PGM5: variants seen among roughly 807,000 people sequenced by gnomAD.
The protein encoded by PGM5 is phosphoglucomutase-like protein 5.
PGM5 carries 23 observed loss-of-function variants against 59.2 expected under a neutral mutation model. The ratio of observed to expected loss-of-function variants is 0.39; its 90% CI spans 0.28 to 0.55. The LOEUF is 0.55. PGM5 is among the 20% of genes least tolerant of loss of function. The pLI is 0.66. For missense variants in PGM5, 574 were observed against 748.3 expected (o/e 0.77, Z 2.72); for synonymous variants, 214 against 286.0 (o/e 0.75, Z 2.54).
At chr9:68,472,297 G>A (rs963451368) in intron 7 of PGM5, among the ~76,000 whole-genome samples, 1 of 152,196 alleles carries the variant, frequency 6.6e-6, no homozygotes, top group African/African-American at 2.4e-5. Flanking sequence ...GCTTCACAGT[G>A]TCTGCTGCTG....
rs146138746 is a variant in PGM5 at position 68,498,991 on chromosome 9, C to T, written c.1480-236C>T. 170 of 497,510 alleles carry T rather than the reference C, an allele frequency of 3.4e-4. 1 individual carries two copies. Among genetic ancestry groups the T allele is most frequent in the African/African-American group, 3.0e-3 (156 of 51,320 alleles). 30.8% of individuals were successfully genotyped at this position (497,510 alleles called of 1,614,324 possible). On this transcript the variant is annotated intron_variant, in intron 9 of 10. Coordinates refer to ENST00000396396, the MANE Select transcript of PGM5 (RefSeq NM_021965.4). ...ACTTGAGTATCTGTTCACAGCTTTG[C>T]TCCTCTTTCCCCACATTAACCACAA...
At chr9:68,456,555 A>G (rs1276977856) in intron 6 of PGM5, among the ~76,000 whole-genome samples, 3 of 148,314 alleles carry the variant, frequency 2.0e-5, no homozygotes, top group Admixed American at 6.7e-5. Flanking sequence ...TCCTGACGTC[A>G]TGAGCCGCCC....
At chr9:68,483,752 C>CA in intron 8 of PGM5, 113 bp from the exon 9 acceptor site, 1 of 860,332 alleles carries the variant, frequency 1.2e-6, no homozygotes. Flanking sequence ...GTTGAAGGTG[C>CA]ATTTCTGTGC....
intron 6 of PGM5, among the ~76,000 whole-genome samples, chr9:68,462,106 A>G (rs951460803): frequency 1.3e-5 from 2 of 151,914 alleles, no homozygotes; most frequent in Non-Finnish European, 2.9e-5. Flanking sequence ...TATATCCAGC[A>G]TAGTTTTCAG....
At chr9:68,370,401 T>C (rs1821662160) in intron 1 of PGM5, among the ~76,000 whole-genome samples, 1 of 152,198 alleles carries the variant, frequency 6.6e-6, no homozygotes, top group Non-Finnish European at 1.5e-5. Context: ...AAAACTCATT[T>C]AGAGTCAACA....
intron 10 of PGM5, among the ~76,000 whole-genome samples, chr9:68,527,641 C>T (rs971810411): frequency 6.6e-6 from 1 of 152,146 alleles, no homozygotes; most frequent in African/African-American, 2.4e-5. Flanking sequence ...AGAATCCCTT[C>T]TGTTTTTACG....
At chr9:68,502,039 C>T (rs10868944) in intron 10 of PGM5, among the ~76,000 whole-genome samples, 65,013 of 152,070 alleles carry the variant, frequency 0.43, 15,278 homozygotes, top group Non-Finnish European at 0.51. Flanking sequence ...AAGTTAATAT[C>T]AATTTCTTAT....
intron 7 of PGM5, among the ~76,000 whole-genome samples, chr9:68,472,859 T>C (rs1345946468): frequency 6.6e-6 from 1 of 152,236 alleles, no homozygotes; most frequent in Non-Finnish European, 1.5e-5. Context: ...GGGAGCCACA[T>C]TGCCCACAGC....
intron 7 of PGM5, among the ~76,000 whole-genome samples, chr9:68,473,903 G>A (rs1176786166): frequency 6.6e-6 from 1 of 151,972 alleles, no homozygotes; most frequent in Non-Finnish European, 1.5e-5. Flanking sequence ...TGTGAGCAAG[G>A]CCAGGGCCGT....
chr9:68,434,141 A>T (rs1365657495), intron 6 of PGM5, among the ~76,000 whole-genome samples: 19 of 151,856 alleles, frequency 1.3e-4, no homozygotes, highest in African/African-American at 4.1e-4. Flanking sequence ...ACATGGTGAA[A>T]CCCTGTCTCT....
intron 6 of PGM5, among the ~76,000 whole-genome samples, chr9:68,457,413 A>G (rs1554685003): frequency 6.6e-6 from 1 of 152,218 alleles, no homozygotes; most frequent in African/African-American, 2.4e-5. Context: ...ATTTCAGTGG[A>G]TACCCATGCC....
chr9:68,529,287 G>T (rs1277022017), intron 10 of PGM5, among the ~76,000 whole-genome samples: 1 of 151,582 alleles, frequency 6.6e-6, no homozygotes, highest in Non-Finnish European at 1.5e-5. Context: ...TCTTCATACA[G>T]TGCTCTCATG....
At chr9:68,488,250 C>A (rs1005844317) in intron 9 of PGM5, among the ~76,000 whole-genome samples, 1 of 152,082 alleles carries the variant, frequency 6.6e-6, no homozygotes. Context: ...CCTCTCCCAT[C>A]CCCCAGCACA....
chr9:68,425,492 C>A (rs1417963947), intron 6 of PGM5, among the ~76,000 whole-genome samples: 3 of 152,064 alleles, frequency 2.0e-5, no homozygotes, highest in Admixed American at 1.3e-4. Flanking sequence ...AAATATATAT[C>A]TTATCTTATA....
At chr9:68,380,621 T>C (rs1304140909) in intron 2 of PGM5, among the ~76,000 whole-genome samples, 1 of 151,770 alleles carries the variant, frequency 6.6e-6, no homozygotes, top group Non-Finnish European at 1.5e-5. Context: ...AAATGTAGTA[T>C]AGAAAAACTA....
intron 3 of PGM5, among the ~76,000 whole-genome samples, chr9:68,385,407 G>A (rs1822192010): frequency 6.6e-6 from 1 of 152,154 alleles, no homozygotes; most frequent in African/African-American, 2.4e-5. Context: ...TACCTGGTTT[G>A]TGTCCATGTG....
At position 68,466,075 on chromosome 9, in the gene PGM5, CAT is replaced by C. The variant is rs375508134; in HGVS notation, c.1159+868_1159+869del. ...TTGTCCTTCTGAGGCTCCAATTACA[CAT>C]GTGTTAGATAATTTGTGATGACAAA... On this transcript the variant is annotated intron_variant, in intron 7 of 10. Transcript: ENST00000396396. The C allele has an allele frequency of 9.7e-6, 11 of 1,132,002 alleles. No homozygotes were observed. In the African/African-American group the frequency reaches 1.5e-4, roughly 15 times the overall value. 70.1% of individuals were successfully genotyped at this position (1,132,002 alleles called of 1,614,324 possible).
intron 3 of PGM5, 93 bp from the exon 4 acceptor site, chr9:68,387,370 T>C (rs1822249394): frequency 1.8e-6 from 2 of 1,090,350 alleles, no homozygotes; most frequent in African/African-American, 1.6e-5. Flanking sequence ...GTGACCAGAA[T>C]TTCATGCTCT....
chr9:68,380,258 A>G (rs780264864), intron 2 of PGM5, among the ~76,000 whole-genome samples: 10 of 152,140 alleles, frequency 6.6e-5, no homozygotes, highest in Admixed American at 1.3e-4. Context: ...GTTTCCAACC[A>G]CAATGGTGTG....
Sources: allele counts gnomAD v4.1 joint callset (sites outside exome capture counted in the v4.1 genomes callset), GRCh38; gene constraint gnomAD v4.1.1; transcripts MANE v1.5; gene names NCBI Gene and HGNC (gene_info 2026-07-23, HGNC 2026-07-21).